RETREG1: variants seen among roughly 807,000 people sequenced by gnomAD.
RETREG1 encodes the protein reticulophagy regulator 1, also known as family with sequence similarity 134 member B.
RETREG1 carries 44 observed loss-of-function variants against 54.8 expected under a neutral mutation model. The ratio of observed to expected loss-of-function variants is 0.80; its 90% CI spans 0.63 to 1.03. The LOEUF is 1.03. Among genes scored for constraint, RETREG1 ranks in the 50% least tolerant of loss-of-function variants. The pLI is 0.00. For synonymous variants in RETREG1, 217 were observed against 238.5 expected (o/e 0.91, Z 0.83); for missense variants, 554 against 605.1 (o/e 0.92, Z 0.89).
intron 3 of RETREG1, among the ~76,000 whole-genome samples, chr5:16,520,026 A>G (rs1740479873): frequency 1.3e-5 from 2 of 152,030 alleles, no homozygotes; most frequent in Admixed American, 1.3e-4. Flanking sequence ...GTGCCTCCCA[A>G]AAGGGTATGT....
At chr5:16,525,765 C>CACAG (rs1554019600) in intron 3 of RETREG1, among the ~76,000 whole-genome samples, 1 of 15,538 alleles carries the variant, frequency 6.4e-5, no homozygotes, top group Non-Finnish European at 1.7e-4. Flanking sequence ...TATATATACA[C>CACAG]AGAGAGGGAG....
At chr5:16,587,845 T>C (rs1742663557) in intron 1 of RETREG1, among the ~76,000 whole-genome samples, 1 of 152,180 alleles carries the variant, frequency 6.6e-6, no homozygotes, top group Admixed American at 6.5e-5. Flanking sequence ...GCCTGATCCT[T>C]CTCATTCCCC....
intron 3 of RETREG1, among the ~76,000 whole-genome samples, chr5:16,543,256 C>T (rs761183651): frequency 1.2e-4 from 18 of 152,168 alleles, no homozygotes; most frequent in Non-Finnish European, 1.5e-4. Context: ...CAGATAGTTT[C>T]GGCTATTACA....
chr5:16,529,562 G>A (rs1229643934), intron 3 of RETREG1, among the ~76,000 whole-genome samples: 1 of 152,026 alleles, frequency 6.6e-6, no homozygotes, highest in Non-Finnish European at 1.5e-5. Context: ...CTGTTAATGT[G>A]GTAATTTAAC....
chr5:16,543,999 G>C (rs1262250666), intron 3 of RETREG1, among the ~76,000 whole-genome samples: 4 of 143,594 alleles, frequency 2.8e-5, no homozygotes, highest in African/African-American at 1.0e-4. Context: ...TTTGGAGACG[G>C]AGTCTCACTC....
At chr5:16,606,486 C>T (rs1743195135) in intron 1 of RETREG1, among the ~76,000 whole-genome samples, 1 of 152,168 alleles carries the variant, frequency 6.6e-6, no homozygotes, top group Admixed American at 6.5e-5. Flanking sequence ...ACTGTAGTGA[C>T]ACGTGGATAA....
At chr5:16,511,268 C>T (rs1383712596) in intron 3 of RETREG1, among the ~76,000 whole-genome samples, 3 of 152,142 alleles carry the variant, frequency 2.0e-5, no homozygotes, top group East Asian at 3.9e-4. Flanking sequence ...AGCTGGGCAG[C>T]AGCCAGGAGC....
intron 5 of RETREG1, among the ~76,000 whole-genome samples, chr5:16,480,745 T>C (rs1738732775): frequency 6.6e-6 from 1 of 152,124 alleles, no homozygotes; most frequent in Non-Finnish European, 1.5e-5. Flanking sequence ...AGGTGGGGCA[T>C]ACAGCTTTAT....
At position 16,561,207 on chromosome 5, in the gene RETREG1, G is replaced by A. The variant is rs1030346597; in HGVS notation, c.458+4556C>T. ...AATGAATAAGACCCTTCCTATAAAC[G>A]GTACTTCCCGCCGGGCGCAGTGGCT... On this transcript the variant is annotated intron_variant, in intron 3 of 8. Transcript: ENST00000306320. This position sits in a 1 kb window ranked among gnomAD's most constrained non-coding sequence, Gnocchi z 4.2. Among the ~76,000 whole-genome samples, 1 of 152,056 alleles carries A rather than the reference G, an allele frequency of 6.6e-6. No homozygotes were observed. Among genetic ancestry groups the A allele is most frequent in the Non-Finnish European group, 1.5e-5 (1 of 68,026 alleles).
chr5:16,526,151 C>T (rs1226412854), intron 3 of RETREG1, among the ~76,000 whole-genome samples: 2 of 152,194 alleles, frequency 1.3e-5, no homozygotes, highest in African/African-American at 4.8e-5. Context: ...GAGAGCTCTC[C>T]CGATGCCCAT....
At chr5:16,562,751 GC>G (rs1421883397) in intron 3 of RETREG1, among the ~76,000 whole-genome samples, 1 of 152,094 alleles carries the variant, frequency 6.6e-6, no homozygotes, top group Non-Finnish European at 1.5e-5. Context: ...CCTCAAAACT[GC>G]CCATATCAAC....
At chr5:16,567,550 G>A (rs753329073) in intron 2 of RETREG1, among the ~76,000 whole-genome samples, 1 of 151,454 alleles carries the variant, frequency 6.6e-6, no homozygotes, top group Non-Finnish European at 1.5e-5. Flanking sequence ...TCACAGGAAG[G>A]AAAGTATAAA....
intron 3 of RETREG1, among the ~76,000 whole-genome samples, chr5:16,526,677 A>G (rs1359513405): frequency 6.6e-6 from 1 of 152,226 alleles, no homozygotes; most frequent in Non-Finnish European, 1.5e-5. Flanking sequence ...CTGTTCTAAC[A>G]TTTCTACATA....
At chr5:16,505,515 C>T (rs1453955407) in intron 3 of RETREG1, among the ~76,000 whole-genome samples, 1 of 152,224 alleles carries the variant, frequency 6.6e-6, no homozygotes, top group African/African-American at 2.4e-5. Context: ...TTGGGAGCGC[C>T]ATAAAGCCCT....
chr5:16,579,497 C>A (rs755658764), intron 1 of RETREG1, among the ~76,000 whole-genome samples: 1 of 152,142 alleles, frequency 6.6e-6, no homozygotes, highest in Non-Finnish European at 1.5e-5. Flanking sequence ...TATTTTAGAG[C>A]AGTTTTTAGA....
At chr5:16,537,077 C>G (rs370923706) in intron 3 of RETREG1, among the ~76,000 whole-genome samples, 1 of 152,174 alleles carries the variant, frequency 6.6e-6, no homozygotes, top group Admixed American at 6.5e-5. Context: ...CTGACCAAGA[C>G]GAGGGTCTGT....
chr5:16,513,568 C>T (rs1223125659), intron 3 of RETREG1, among the ~76,000 whole-genome samples: 2 of 152,208 alleles, frequency 1.3e-5, no homozygotes, highest in African/African-American at 4.8e-5. Context: ...GATGGACCGG[C>T]TCTTTTTGGT....
chr5:16,560,916 T>C (rs1225010779), intron 3 of RETREG1, among the ~76,000 whole-genome samples: 2 of 152,100 alleles, frequency 1.3e-5, no homozygotes, highest in Non-Finnish European at 2.9e-5. Flanking sequence ...GCATTACACA[T>C]TGGAAACTGC....
At chr5:16,552,795 AACG>A (rs1190077594) in intron 3 of RETREG1, among the ~76,000 whole-genome samples, 1 of 152,202 alleles carries the variant, frequency 6.6e-6, no homozygotes, top group East Asian at 1.9e-4. Context: ...TAACTAGAAC[AACG>A]TTAATGCTTT....
Sources: gnomAD v4.1 joint callset for allele counts (sites outside exome capture counted in the v4.1 genomes callset) on GRCh38, gnomAD v4.1.1 for gene constraint, Gnocchi (gnomAD v3.1) non-coding constraint, MANE v1.5 for transcripts, NCBI Gene and HGNC (gene_info 2026-07-23, HGNC 2026-07-21) for gene names.